The following KCND2 variants were observed in gnomAD, a reference collection of about 807,000 sequenced individuals.
KCND2 encodes potassium voltage-gated channel subfamily D member 2.
A neutral mutation model predicts 54.4 loss-of-function variants in KCND2; 16 were observed. That is an observed-to-expected ratio of 0.29 (90% confidence interval 0.20 to 0.45). The LOEUF is 0.45. Among genes scored for constraint, KCND2 ranks in the 20% least tolerant of loss-of-function variants. The probability of loss-of-function intolerance (pLI) is 1.00; values close to 1 mark genes in which losing one functional copy is unlikely to be tolerated. For synonymous variants in KCND2, 317 were observed against 310.7 expected (o/e 1.02, Z -0.21); for missense variants, 486 against 824.2 (o/e 0.59, Z 5.02).
At chr7:120,496,796 A>G (rs1802854842) in intron 1 of KCND2, among the ~76,000 whole-genome samples, 1 of 152,130 alleles carries the variant, frequency 6.6e-6, no homozygotes, top group Admixed American at 6.6e-5. Context: ...TGTACTTTGT[A>G]GTAAGTATTA....
At chr7:120,644,298 A>G (rs1197554738) in intron 1 of KCND2, among the ~76,000 whole-genome samples, 3 of 152,172 alleles carry the variant, frequency 2.0e-5, no homozygotes, top group African/African-American at 7.2e-5. Flanking sequence ...TTCTGGTCTC[A>G]TACTAGAACT....
At chr7:120,744,394 G>A (rs1003770810) in intron 4 of KCND2, among the ~76,000 whole-genome samples, 71 of 152,016 alleles carry the variant, frequency 4.7e-4, no homozygotes, top group African/African-American at 1.3e-3. Context: ...ACCTACAAAA[G>A]TATGTAGTAA....
chr7:120,666,875 A>G (rs1041373934), intron 1 of KCND2, among the ~76,000 whole-genome samples: 6 of 152,146 alleles, frequency 3.9e-5, no homozygotes, highest in African/African-American at 1.4e-4. Context: ...TATAGTTAGG[A>G]AATTAAGCGT....
chr7:120,507,695 AG>A (rs1292779709), intron 1 of KCND2, among the ~76,000 whole-genome samples: 2 of 151,888 alleles, frequency 1.3e-5, no homozygotes, highest in Admixed American at 1.3e-4. Flanking sequence ...CTATACCCTC[AG>A]GCTCCTAGTA....
chr7:120,574,809 A>T (rs1239170911), intron 1 of KCND2, among the ~76,000 whole-genome samples: 1 of 152,106 alleles, frequency 6.6e-6, no homozygotes, highest in Non-Finnish European at 1.5e-5. Context: ...ACATCAACAA[A>T]ACAAATAGCT....
intron 1 of KCND2, among the ~76,000 whole-genome samples, chr7:120,658,845 C>A (rs981979781): frequency 6.6e-6 from 1 of 152,212 alleles, no homozygotes; most frequent in African/African-American, 2.4e-5. Context: ...CACACACCCA[C>A]ATTAATTCAA....
intron 1 of KCND2, among the ~76,000 whole-genome samples, chr7:120,425,163 T>A (rs1239608875): frequency 6.6e-6 from 1 of 151,972 alleles, no homozygotes; most frequent in East Asian, 1.9e-4. Flanking sequence ...TATATTTATA[T>A]AACAGGTGCA....
intron 1 of KCND2, among the ~76,000 whole-genome samples, chr7:120,533,028 GTAGT>G (rs1488136224): frequency 6.6e-6 from 1 of 151,974 alleles, no homozygotes; most frequent in Admixed American, 6.6e-5. Flanking sequence ...TTACTTCTCT[GTAGT>G]TAATTTTTTT....
At chr7:120,409,032 A>G (rs1321182534) in intron 1 of KCND2, among the ~76,000 whole-genome samples, 1 of 151,974 alleles carries the variant, frequency 6.6e-6, no homozygotes, top group Admixed American at 6.6e-5. Context: ...GAGCAAATGC[A>G]CATGCTGCTC....
At chr7:120,652,467 G>C (rs1199559773) in intron 1 of KCND2, among the ~76,000 whole-genome samples, 1 of 152,146 alleles carries the variant, frequency 6.6e-6, no homozygotes, top group Non-Finnish European at 1.5e-5. Context: ...ATGTCCCCAT[G>C]CACTTTTGTC....
chr7:120,731,919 GA>G (rs1310340734), intron 1 of KCND2, among the ~76,000 whole-genome samples: 11 of 152,234 alleles, frequency 7.2e-5, no homozygotes, highest in Middle Eastern at 3.4e-3. Context: ...ATTGTGGGGG[GA>G]AAATATTTGA....
intron 1 of KCND2, among the ~76,000 whole-genome samples, chr7:120,679,191 A>G (rs1438900160): frequency 6.6e-6 from 1 of 151,890 alleles, no homozygotes; most frequent in African/African-American, 2.4e-5. Flanking sequence ...GAAAATGCTA[A>G]TTAGTTATAT....
rs183180065 is a variant in KCND2 at position 120,554,470 on chromosome 7, G to A, written c.1116-178433G>A. Among the ~76,000 whole-genome samples, 8 of 151,596 alleles carry A rather than the reference G, an allele frequency of 5.3e-5. No homozygotes were observed. In the East Asian group the frequency reaches 7.8e-4, roughly 15 times the overall value. ...GTAGCCCAGGCTGGAGTACAGTGGC[G>A]CGATCTCAGCTCACTGCAAGCTCCG... On this transcript the variant is annotated intron_variant, in intron 1 of 5. Coordinates refer to ENST00000331113, the MANE Select transcript of KCND2 (RefSeq NM_012281.3).
intron 4 of KCND2, among the ~76,000 whole-genome samples, chr7:120,743,170 T>C (rs1010491061): frequency 6.6e-6 from 1 of 152,194 alleles, no homozygotes; most frequent in African/African-American, 2.4e-5. Context: ...TTACAAGCTC[T>C]TGTTTGGACC....
intron 1 of KCND2, among the ~76,000 whole-genome samples, chr7:120,548,908 G>A (rs893580580): frequency 6.6e-6 from 1 of 152,104 alleles, no homozygotes; most frequent in Non-Finnish European, 1.5e-5. Context: ...GATACACTTT[G>A]GGACTGACCA....
chr7:120,345,554 C>T (rs1305345554), intron 1 of KCND2, among the ~76,000 whole-genome samples: 5 of 152,108 alleles, frequency 3.3e-5, no homozygotes, highest in African/African-American at 1.2e-4. Context: ...TTTCCTCCTC[C>T]CCGACTCCCT....
chr7:120,425,489 A>G (rs1367701038), intron 1 of KCND2, among the ~76,000 whole-genome samples: 1 of 152,214 alleles, frequency 6.6e-6, no homozygotes, highest in South Asian at 2.1e-4. Context: ...AAACACAGGA[A>G]TTCTGCCTTC....
At chr7:120,351,506 C>G (rs1055365657) in intron 1 of KCND2, among the ~76,000 whole-genome samples, 3 of 151,318 alleles carry the variant, frequency 2.0e-5, no homozygotes, top group African/African-American at 7.3e-5. Flanking sequence ...ACACAATGTG[C>G]ACCAGGAAGA....
intron 1 of KCND2, among the ~76,000 whole-genome samples, chr7:120,333,026 A>G (rs1800090944): frequency 6.6e-6 from 1 of 152,060 alleles, no homozygotes; most frequent in Non-Finnish European, 1.5e-5. Context: ...TAGTCTTAAG[A>G]GTCTATGGTA....
Sources: gnomAD v4.1 joint callset for allele counts (sites outside exome capture counted in the v4.1 genomes callset) on GRCh38, gnomAD v4.1.1 for gene constraint, MANE v1.5 for transcripts, NCBI Gene and HGNC (gene_info 2026-07-23, HGNC 2026-07-21) for gene names.